The following RAI14 variants were observed in gnomAD, a reference collection of about 807,000 sequenced individuals.
RAI14 encodes the protein retinoic acid induced 14, also known as ankycorbin.
A neutral mutation model predicts 115.4 loss-of-function variants in RAI14; 45 were observed. The observed-to-expected ratio is 0.39, with a 90% confidence interval of 0.31 to 0.50. RAI14 has a LOEUF of 0.50. Ranked by LOEUF, RAI14 falls within the 20% of genes least tolerant of loss-of-function variation. The probability of loss-of-function intolerance (pLI) is 0.85; values close to 1 mark genes in which losing one functional copy is unlikely to be tolerated. For missense variants in RAI14, 939 were observed against 1,131.2 expected (o/e 0.83, Z 2.44); for synonymous variants, 371 against 415.4 (o/e 0.89, Z 1.30).
chr5:34,793,400 A>G (rs1179944006), intron 3 of RAI14, among the ~76,000 whole-genome samples: 1 of 152,200 alleles, frequency 6.6e-6, no homozygotes, highest in Non-Finnish European at 1.5e-5. Context: ...AGGTAATCCA[A>G]GAAGCCTCAG....
chr5:34,820,453 G>C (rs1285696056), intron 13 of RAI14, among the ~76,000 whole-genome samples: 1 of 152,074 alleles, frequency 6.6e-6, no homozygotes, highest in African/African-American at 2.4e-5. Flanking sequence ...TAAAATTATT[G>C]AGATTTTATG....
intron 2 of RAI14, among the ~76,000 whole-genome samples, chr5:34,721,934 C>T (rs1240032523): frequency 6.6e-6 from 1 of 152,124 alleles, no homozygotes; most frequent in East Asian, 1.9e-4. Flanking sequence ...GTCTTGAACT[C>T]CTGACCTCAG....
At chr5:34,716,185 C>A (rs1478844950) in intron 2 of RAI14, 4 of 385,102 alleles carry the variant, frequency 1.0e-5, no homozygotes, top group Non-Finnish European at 2.0e-5. Flanking sequence ...TTTCAAAGGA[C>A]AAGTATAGGT....
intron 2 of RAI14, among the ~76,000 whole-genome samples, chr5:34,703,618 A>G (rs1234750789): frequency 6.6e-6 from 1 of 152,228 alleles, no homozygotes; most frequent in Non-Finnish European, 1.5e-5. Flanking sequence ...ATAAAAATCT[A>G]TGGGAATCCT....
chr5:34,719,555 A>G (rs997548601), intron 2 of RAI14, among the ~76,000 whole-genome samples: 5 of 152,182 alleles, frequency 3.3e-5, no homozygotes, highest in Admixed American at 3.3e-4. Flanking sequence ...AAATTTATAG[A>G]AAGGGACTCC....
intron 2 of RAI14, among the ~76,000 whole-genome samples, chr5:34,743,695 C>G (rs10472937): frequency 3.0e-4 from 46 of 152,186 alleles, no homozygotes; most frequent in African/African-American, 1.1e-3. Flanking sequence ...AAACAAGAAA[C>G]TAGTCATAGG....
intron 7 of RAI14, among the ~76,000 whole-genome samples, chr5:34,809,809 C>G (rs1270967095): frequency 6.6e-6 from 1 of 152,108 alleles, no homozygotes; most frequent in Non-Finnish European, 1.5e-5. Context: ...TACTTTCTTT[C>G]TGCACTTGGA....
At chr5:34,821,006 C>T (rs1281544354) in intron 13 of RAI14, among the ~76,000 whole-genome samples, 1 of 152,038 alleles carries the variant, frequency 6.6e-6, no homozygotes, top group Non-Finnish European at 1.5e-5. Context: ...AAGAATCAGC[C>T]GTGTGTTGAG....
intron 3 of RAI14, among the ~76,000 whole-genome samples, chr5:34,768,764 A>G (rs1025914402): frequency 6.6e-6 from 1 of 152,124 alleles, no homozygotes; most frequent in Non-Finnish European, 1.5e-5. Flanking sequence ...CGAGACGGGC[A>G]GATCGCTTGA....
intron 1 of RAI14, among the ~76,000 whole-genome samples, chr5:34,668,098 C>T (rs1306206268): frequency 6.6e-6 from 1 of 152,070 alleles, no homozygotes; most frequent in African/African-American, 2.4e-5. Flanking sequence ...TCTTTCTTCT[C>T]TAGGAAAGAC....
At chr5:34,727,658 G>T (rs1226254979) in intron 2 of RAI14, among the ~76,000 whole-genome samples, 1 of 152,164 alleles carries the variant, frequency 6.6e-6, no homozygotes, top group African/African-American at 2.4e-5. Flanking sequence ...GGTACAGCTT[G>T]GGCTGTGGCT....
intron 2 of RAI14, among the ~76,000 whole-genome samples, chr5:34,752,626 A>G (rs1399185791): frequency 6.6e-6 from 1 of 151,648 alleles, no homozygotes; most frequent in Non-Finnish European, 1.5e-5. Flanking sequence ...ATGGGGTGAC[A>G]GAGCATTCTG....
intron 1 of RAI14, among the ~76,000 whole-genome samples, chr5:34,673,531 AC>A (rs1371360325): frequency 2.6e-5 from 4 of 152,264 alleles, no homozygotes; most frequent in African/African-American, 7.2e-5. Flanking sequence ...AGATCTAGGC[AC>A]CTCTTTTACT....
Position 34,831,465 on chromosome 5 carries a change from C to T in RAI14, c.*700C>T, listed in dbSNP as rs962995559. ...GTTGACATACTGCAAATTTTCTATG[C>T]AAACTTGCCTCCTGCTGTTATCTGT... is the stretch of plus-strand genomic sequence containing the variant. On this transcript the variant is annotated 3_prime_UTR_variant, in exon 18 of 18. Coordinates refer to ENST00000265109, the MANE Select transcript of RAI14 (RefSeq NM_015577.3). 6.6e-6 allele frequency: 1 copy of T among 152,592 alleles called. No homozygotes were observed. Among genetic ancestry groups the T allele is most frequent in the Non-Finnish European group, 1.5e-5 (1 of 68,038 alleles). The allele number at this position is 152,592 out of a possible 1,614,324, so 9.5% of individuals were successfully genotyped here.
At chr5:34,740,969 C>T (rs1451405814) in intron 2 of RAI14, among the ~76,000 whole-genome samples, 3 of 152,074 alleles carry the variant, frequency 2.0e-5, no homozygotes, top group Non-Finnish European at 2.9e-5. Flanking sequence ...TAAAATTAAC[C>T]TCTGATAACA....
At chr5:34,781,397 T>C (rs192173811) in intron 3 of RAI14, among the ~76,000 whole-genome samples, 2 of 152,162 alleles carry the variant, frequency 1.3e-5, no homozygotes, top group South Asian at 2.1e-4. Flanking sequence ...TAAAAGCTTA[T>C]GTAGAGACAA....
intron 2 of RAI14, among the ~76,000 whole-genome samples, chr5:34,692,412 A>G (rs1215273923): frequency 6.6e-6 from 1 of 152,056 alleles, no homozygotes; most frequent in Non-Finnish European, 1.5e-5. Context: ...ATACATGCAC[A>G]TACACACAAT....
chr5:34,702,648 G>A (rs372635016), intron 2 of RAI14, among the ~76,000 whole-genome samples: 26 of 152,198 alleles, frequency 1.7e-4, no homozygotes, highest in African/African-American at 6.0e-4. Flanking sequence ...TATAAACAAT[G>A]CTCGGGTTGG....
At chr5:34,809,449 G>A (rs1053351602) in intron 7 of RAI14, among the ~76,000 whole-genome samples, 2 of 152,112 alleles carry the variant, frequency 1.3e-5, no homozygotes, top group South Asian at 2.1e-4. Context: ...TGATGAATCC[G>A]ATTTTTCTGA....
Sources: allele counts gnomAD v4.1 joint callset (sites outside exome capture counted in the v4.1 genomes callset), GRCh38; gene constraint gnomAD v4.1.1; transcripts MANE v1.5; gene names NCBI Gene and HGNC (gene_info 2026-07-23, HGNC 2026-07-21).